The following RPS6KA2 variants were observed in gnomAD, a reference collection of about 807,000 sequenced individuals.
The protein encoded by RPS6KA2 is ribosomal protein S6 kinase alpha-2.
In RPS6KA2, 42 loss-of-function variants were observed where a neutral mutation model predicts 91.8. The ratio of observed to expected loss-of-function variants is 0.46; its 90% CI spans 0.36 to 0.59. The LOEUF is 0.59. Among genes scored for constraint, RPS6KA2 ranks in the 20% least tolerant of loss-of-function variants. The pLI, the probability that RPS6KA2 is intolerant of heterozygous loss-of-function variation, is 0.00. For synonymous variants in RPS6KA2, 414 were observed against 393.6 expected, an observed-to-expected ratio of 1.05 and a Z score of -0.61; for missense variants, 798 against 978.5, an observed-to-expected ratio of 0.82 and a Z score of 2.46.
intron 2 of RPS6KA2, among the ~76,000 whole-genome samples, chr6:166,751,395 G>T (rs1791278383): frequency 6.6e-6 from 1 of 152,272 alleles, no homozygotes; most frequent in South Asian, 2.1e-4. Context: ...AGTTGGCCCT[G>T]AGTCAGCCAG....
chr6:166,669,172 G>A (rs1788403220), intron 2 of RPS6KA2, among the ~76,000 whole-genome samples: 1 of 152,152 alleles, frequency 6.6e-6, no homozygotes, highest in East Asian at 1.9e-4. Flanking sequence ...GGGATTACAG[G>A]CATGAGCCCC....
At position 166,563,294 on chromosome 6, in the gene RPS6KA2, AGCACTC is replaced by A. The variant is rs984609940; in HGVS notation, c.100-24516_100-24511del. 1.3e-5 allele frequency among the ~76,000 whole-genome samples: 2 copies of A among 152,182 alleles called. No homozygotes were observed. Among genetic ancestry groups the A allele is most frequent in the Non-Finnish European group, 2.9e-5 (2 of 68,028 alleles). On this transcript the variant is annotated intron_variant, in intron 1 of 20. Transcript: ENST00000265678. This position sits in a 1 kb window ranked among gnomAD's most constrained non-coding sequence, Gnocchi z 4.1. ...GGAGCTGGGAGAGGCCCCAGCGGGA[AGCACTC>A]GGAGGAGCGGGGGCCAACCCGGAAT... is the stretch of plus-strand genomic sequence containing the variant.
At chr6:166,547,030 C>G (rs1783848942) in intron 1 of RPS6KA2, among the ~76,000 whole-genome samples, 1 of 152,146 alleles carries the variant, frequency 6.6e-6, no homozygotes, top group Admixed American at 6.5e-5. Context: ...CTCACTGCAG[C>G]CTCGACCTCC....
chr6:166,848,778 G>C (rs188396716), intron 2 of RPS6KA2, among the ~76,000 whole-genome samples: 1 of 152,186 alleles, frequency 6.6e-6, no homozygotes, highest in East Asian at 1.9e-4. Flanking sequence ...GATGAAGGAT[G>C]AAAGGCTACA....
chr6:166,743,200 A>C (rs199830738), intron 2 of RPS6KA2, among the ~76,000 whole-genome samples: 14 of 147,004 alleles, frequency 9.5e-5, no homozygotes, highest in Admixed American at 9.4e-4. Context: ...AACTGTCACC[A>C]AAACACGGTT....
chr6:166,478,423 C>T (rs757318742), intron 10 of RPS6KA2, among the ~76,000 whole-genome samples: 12 of 152,168 alleles, frequency 7.9e-5, no homozygotes, highest in Admixed American at 5.9e-4. Flanking sequence ...CCGGGCAAGG[C>T]GGGCATGACT....
chr6:166,488,134 A>G (rs1448237897), intron 10 of RPS6KA2, among the ~76,000 whole-genome samples: 1 of 151,920 alleles, frequency 6.6e-6, no homozygotes, highest in Non-Finnish European at 1.5e-5. Flanking sequence ...TTCTTGTTAA[A>G]ATAACCTGAA....
rs1017745191 is a variant in RPS6KA2, at chr6:166,849,167, T to A, written c.123+9033A>T. On this transcript the variant is annotated intron_variant, in intron 2 of 21. Transcript: ENST00000503859. The surrounding 1 kb of genome is among the most constrained non-coding windows in gnomAD (Gnocchi z 4.9). ...CCGGCCATGCCAGGGTCTGTCTGTC[T>A]GTCTGTCTGGGACAATCCACCCCTG... Among the ~76,000 whole-genome samples the A allele has an allele frequency of 4.6e-5, 7 of 152,140 alleles. No homozygotes were observed. Among genetic ancestry groups the A allele is most frequent in the African/African-American group, 1.7e-4 (7 of 41,442 alleles).
intron 2 of RPS6KA2, among the ~76,000 whole-genome samples, chr6:166,724,331 C>T (rs1265622039): frequency 6.6e-6 from 1 of 152,074 alleles, no homozygotes; most frequent in African/African-American, 2.4e-5. Flanking sequence ...TGGAGGTCCA[C>T]GGCAGCTAGC....
chr6:166,530,848 AC>A (rs1375894293), intron 3 of RPS6KA2, among the ~76,000 whole-genome samples: 1 of 152,148 alleles, frequency 6.6e-6, no homozygotes, highest in East Asian at 1.9e-4. Flanking sequence ...ACCCAACCCA[AC>A]CATGAGTCAC....
At chr6:166,487,513 C>A (rs960936073) in intron 10 of RPS6KA2, among the ~76,000 whole-genome samples, 1 of 152,014 alleles carries the variant, frequency 6.6e-6, no homozygotes, top group African/African-American at 2.4e-5. Flanking sequence ...GGGTTATCAC[C>A]GAGAGGTCTG....
intron 1 of RPS6KA2, among the ~76,000 whole-genome samples, chr6:166,544,194 G>C (rs1209909644): frequency 2.0e-5 from 3 of 152,220 alleles, no homozygotes; most frequent in Non-Finnish European, 4.4e-5. Flanking sequence ...AGGACTTTCG[G>C]TTGTATTTCA....
chr6:166,681,209 CA>C (rs1788797760), intron 2 of RPS6KA2, among the ~76,000 whole-genome samples: 1 of 152,216 alleles, frequency 6.6e-6, no homozygotes, highest in South Asian at 2.1e-4. Flanking sequence ...CTGCAGGTTA[CA>C]ACACTGTATC....
At chr6:166,555,393 C>T (rs1403216504) in intron 1 of RPS6KA2, among the ~76,000 whole-genome samples, 1 of 152,186 alleles carries the variant, frequency 6.6e-6, no homozygotes, top group African/African-American at 2.4e-5. Context: ...GTTTTTCAGA[C>T]CCTGAATTCC....
intron 3 of RPS6KA2, among the ~76,000 whole-genome samples, chr6:166,522,441 C>T (rs757026798): frequency 2.0e-5 from 3 of 152,198 alleles, no homozygotes; most frequent in Admixed American, 6.5e-5. Flanking sequence ...CATACGCAGA[C>T]GGCCTTGGTG....
chr6:166,754,925 C>A (rs1288088545), intron 2 of RPS6KA2, among the ~76,000 whole-genome samples: 1 of 152,124 alleles, frequency 6.6e-6, no homozygotes, highest in Non-Finnish European at 1.5e-5. Flanking sequence ...GAACTTGGGT[C>A]AGGAATCTCA....
At chr6:166,599,549 G>A (rs1785655394) in intron 1 of RPS6KA2, among the ~76,000 whole-genome samples, 1 of 152,088 alleles carries the variant, frequency 6.6e-6, no homozygotes. Context: ...TTAGCGCCAG[G>A]GGAAGCACGA....
intron 2 of RPS6KA2, chr6:166,701,614 T>C: frequency 7.5e-7 from 1 of 1,326,886 alleles, no homozygotes; most frequent in Non-Finnish European, 1.1e-6. Context: ...ATGAACAGTC[T>C]CGGATTCTGA....
chr6:166,688,724 C>A (rs189750244), intron 2 of RPS6KA2, among the ~76,000 whole-genome samples: 8 of 152,330 alleles, frequency 5.3e-5, no homozygotes, highest in South Asian at 2.1e-4. Context: ...GGGGCTAGGA[C>A]GTGCCTAAGG....
Sources: gnomAD v4.1 joint callset for allele counts (sites outside exome capture counted in the v4.1 genomes callset) on GRCh38, gnomAD v4.1.1 for gene constraint, Gnocchi (gnomAD v3.1) non-coding constraint, MANE v1.5 for transcripts, NCBI Gene and HGNC (gene_info 2026-07-23, HGNC 2026-07-21) for gene names.